Variants in FAM186A observed in about 807,000 individuals in gnomAD.
FAM186A encodes protein FAM186A.
A neutral mutation model predicts 216.8 loss-of-function variants in FAM186A; 163 were observed. That is an observed-to-expected ratio of 0.75 (90% CI 0.66 to 0.86). FAM186A has a LOEUF of 0.86. Ranked by LOEUF, FAM186A falls within the 40% of genes least tolerant of loss-of-function variation. The pLI is 0.00. For synonymous variants in FAM186A, 805 were observed against 1,025.3 expected (o/e 0.79, Z 4.10); for missense variants, 2,184 against 2,746.2 (o/e 0.80, Z 4.58).
At chr12:50,369,266 G>A (rs909832731) in intron 1 of FAM186A, among the ~76,000 whole-genome samples, 13 of 151,602 alleles carry the variant, frequency 8.6e-5, no homozygotes, top group Admixed American at 2.6e-4. Flanking sequence ...TGAGGCAGGC[G>A]GATCACGAGG....
intron 4 of FAM186A, among the ~76,000 whole-genome samples, chr12:50,346,201 A>AAGAAAGAGAG (rs375573446): frequency 2.6e-5 from 2 of 76,684 alleles, no homozygotes; most frequent in African/African-American, 8.7e-5. Context: ...GAAAGAAAGA[A>AAGAAAGAGAG]AGAGAGAGAG....
At chr12:50,363,121 T>A in intron 2 of FAM186A, 24 bp downstream of exon 2, 1 of 1,515,750 alleles carries the variant, frequency 6.6e-7, no homozygotes, top group Middle Eastern at 1.7e-4. Context: ...ATGGTTTTCC[T>A]CTGAACCGCT....
chr12:50,386,724 A>C (rs1329933807), intron 1 of FAM186A, among the ~76,000 whole-genome samples: 1 of 147,732 alleles, frequency 6.8e-6, no homozygotes, highest in Non-Finnish European at 1.5e-5. Flanking sequence ...TCCAGGCATG[A>C]TGGTGCGCAC....
intron 7 of FAM186A, among the ~76,000 whole-genome samples, 186 bp from the exon 8 acceptor site, chr12:50,327,590 G>A (rs930499864): frequency 7.1e-6 from 1 of 141,520 alleles, no homozygotes; most frequent in African/African-American, 2.7e-5. Flanking sequence ...CACACAGGCT[G>A]TAGTACAGTG....
chr12:50,337,959 G>A (rs530896000), intron 4 of FAM186A, among the ~76,000 whole-genome samples: 8 of 151,920 alleles, frequency 5.3e-5, no homozygotes, highest in African/African-American at 1.9e-4. Flanking sequence ...TAACCATGGG[G>A]GTATCTTATT....
Position 50,351,783 on chromosome 12 carries a change from CTG to C in FAM186A, c.5047_5048del (p.Gln1683ValfsTer12). 2 of 1,550,570 alleles carry C rather than the reference CTG, an allele frequency of 1.3e-6. No homozygotes were observed. Among genetic ancestry groups the C allele is most frequent in the Non-Finnish European group, 1.7e-6 (2 of 1,146,378 alleles). On this transcript the variant is annotated frameshift_variant, in exon 4 of 8. Coordinates refer to ENST00000327337, the MANE Select transcript of FAM186A (RefSeq NM_001145475.3). LOFTEE classifies it high-confidence loss of function. ...SPMNLEQAQE[Q>X]LLKLGVPLTL... ...TGAGAGGAACCCCTAACTTCAATAA[CTG>C]TTCTTGAGCCTGTTCTAAGTTCATA...
Position 50,354,432 on chromosome 12 carries a change from T to A in FAM186A, c.2400A>T (p.Glu800Asp). The A allele has an allele frequency of 1.3e-6, 2 of 1,551,556 alleles. No homozygotes were observed. Among genetic ancestry groups the A allele is most frequent in the South Asian group, 2.4e-5 (2 of 84,066 alleles). The change falls in exon 4 of 8, where the codon GAA (glutamate) becomes GAT (aspartate). Residue 800 changes from glutamate (E) to aspartate (D), a missense_variant. Glu to Asp is a conservative substitution (Grantham distance 45). Transcript: ENST00000327337. The stretch of plus-strand genomic sequence containing the variant: ...AGACTGTTGGAATATCTCTTTCACT[T>A]TCTATTTCAGCCAAGATCATTTGTA... ...NLIQMILAEI[E>D]SERDIPTVST...
rs1190571745 is a variant in FAM186A, at chr12:50,331,682, C to A, written c.6836G>T (p.Cys2279Phe). 3.2e-6 allele frequency: 5 copies of A among 1,540,640 alleles called. No homozygotes were observed. The highest frequency in any genetic ancestry group is 4.4e-6 in the Non-Finnish European group (5 of 1,144,798). The change falls in exon 6 of 8, where the codon TGC becomes TTC. Residue 2279 changes from cysteine to phenylalanine, a missense_variant. By Grantham distance (205) the Cys-to-Phe change is radical (BLOSUM62 -2). Around this residue, in one of 7 missense-constraint regions of FAM186A, gnomAD observed 721 missense variants for 816.4 expected, o/e 0.88. Coordinates refer to ENST00000327337, the MANE Select transcript of FAM186A (RefSeq NM_001145475.3). ...LMEEDRTSDI[C>F]KKFRQQEDQT... ...TTCTAGCACATACCTAAATTTCTTG[C>A]ATATGTCAGAGGTTCTGTCCTCTTC...
intron 1 of FAM186A, among the ~76,000 whole-genome samples, chr12:50,372,587 C>T (rs1232573463): frequency 2.0e-4 from 30 of 146,484 alleles, no homozygotes; most frequent in Non-Finnish European, 4.3e-4. Flanking sequence ...GTGTGAGACT[C>T]TGTCTCAAAA....
intron 1 of FAM186A, among the ~76,000 whole-genome samples, chr12:50,382,363 A>C (rs1364010187): frequency 1.3e-5 from 2 of 152,030 alleles, no homozygotes; most frequent in African/African-American, 4.8e-5. Context: ...TCTAGGGGGA[A>C]TAGCATGTCA....
intron 1 of FAM186A, among the ~76,000 whole-genome samples, chr12:50,395,793 C>T (rs1236084791): frequency 1.3e-5 from 2 of 151,628 alleles, no homozygotes; most frequent in African/African-American, 4.8e-5. Flanking sequence ...TAGAGTTTCG[C>T]TTTTGTTGCC....
intron 4 of FAM186A, among the ~76,000 whole-genome samples, chr12:50,337,313 T>C (rs1428607692): frequency 6.8e-6 from 1 of 146,524 alleles, no homozygotes; most frequent in African/African-American, 2.5e-5. Context: ...TTTTTTTTTT[T>C]AGACAGGGTC....
intron 4 of FAM186A, among the ~76,000 whole-genome samples, chr12:50,347,226 C>T (rs1030338650): frequency 1.1e-4 from 16 of 152,108 alleles, no homozygotes; most frequent in African/African-American, 3.6e-4. Flanking sequence ...TCACCTTGAA[C>T]ATTGTGGGTT....
intron 1 of FAM186A, among the ~76,000 whole-genome samples, chr12:50,376,069 G>A (rs1284732365): frequency 6.6e-6 from 1 of 152,154 alleles, no homozygotes; most frequent in East Asian, 1.9e-4. Flanking sequence ...GGCTGTGGCT[G>A]GACCAGACAT....
chr12:50,371,404 A>G (rs1943141396), intron 1 of FAM186A, among the ~76,000 whole-genome samples: 1 of 152,178 alleles, frequency 6.6e-6, no homozygotes, highest in South Asian at 2.1e-4. Flanking sequence ...GGCGTGAGCC[A>G]CCGTGCCCGG....
chr12:50,378,033 C>G (rs1428865149), intron 1 of FAM186A, among the ~76,000 whole-genome samples: 3 of 151,930 alleles, frequency 2.0e-5, no homozygotes, highest in African/African-American at 7.3e-5. Context: ...TGAGACCAGG[C>G]TGACCAACAT....
At chr12:50,371,630 G>A (rs1312528917) in intron 1 of FAM186A, among the ~76,000 whole-genome samples, 1 of 152,080 alleles carries the variant, frequency 6.6e-6, no homozygotes. Flanking sequence ...GTGGTTTTTA[G>A]GGGATAAGGA....
At chr12:50,327,478 T>C (rs368040207) in intron 7 of FAM186A, 74 bp from the exon 8 acceptor site, 8 of 1,142,358 alleles carry the variant, frequency 7.0e-6, no homozygotes, top group South Asian at 2.9e-5. Context: ...AGGTGAGTCA[T>C]AGGGAAAATA....
At chr12:50,367,433 G>T (rs932195158) in intron 1 of FAM186A, among the ~76,000 whole-genome samples, 1 of 149,980 alleles carries the variant, frequency 6.7e-6, no homozygotes. Flanking sequence ...CAGGAGAATG[G>T]CGTGAACCTG....
Sources: gnomAD v4.1 joint callset for allele counts (sites outside exome capture counted in the v4.1 genomes callset) on GRCh38, gnomAD v4.1.1 for gene constraint, gnomAD v4.1.1 regional missense constraint, MANE v1.5 for transcripts, NCBI Gene and HGNC (gene_info 2026-07-23, HGNC 2026-07-21) for gene names.